LRP5: variants seen among roughly 807,000 people sequenced by gnomAD.
LRP5 encodes low-density lipoprotein receptor-related protein 5.
In LRP5, 62 loss-of-function variants were observed where a neutral mutation model predicts 154.1. The observed-to-expected ratio is 0.40, with a 90% CI of 0.33 to 0.50. LRP5 has a LOEUF of 0.50. LRP5 is among the 20% of genes least tolerant of loss of function. The pLI, the probability that LRP5 is intolerant of heterozygous loss-of-function variation, is 0.55. For missense variants in LRP5, 1,915 were observed against 2,336.7 expected (o/e 0.82, Z 3.72); for synonymous variants, 966 against 1,011.5 (o/e 0.96, Z 0.85).
Position 68,436,923 on chromosome 11 carries a change from CG to C in LRP5, c.4037del (p.Gly1346AlafsTer93). The C allele has an allele frequency of 6.2e-7, 1 of 1,613,840 alleles. No individual in the cohort carries two copies. Among genetic ancestry groups the C allele is most frequent in the Non-Finnish European group, 8.5e-7 (1 of 1,179,948 alleles). The stretch of plus-strand genomic sequence containing the variant: ...TGCCCAACCAGTTCCGGTGTGCGAG[CG>C]GCCAGTGTGTCCTCATCAAACAGCA... The part of the protein sequence containing the change: ...CLPNQFRCAS[G>X]QCVLIKQQCD... On this transcript the variant is annotated frameshift_variant, in exon 19 of 23. Coordinates refer to ENST00000294304, the MANE Select transcript of LRP5 (RefSeq NM_002335.4). LOFTEE classifies it high-confidence loss of function.
intron 2 of LRP5, among the ~76,000 whole-genome samples, chr11:68,348,943 TC>T (rs1467407228): frequency 6.7e-6 from 1 of 148,920 alleles, no homozygotes; most frequent in African/African-American, 2.5e-5. Context: ...GGAGATCCTG[TC>T]TCAAAAAAAA....
At chr11:68,330,274 G>A (rs2098602010) in intron 1 of LRP5, among the ~76,000 whole-genome samples, 1 of 148,012 alleles carries the variant, frequency 6.8e-6, no homozygotes, top group African/African-American at 2.5e-5. Flanking sequence ...CCACTGCAAT[G>A]AGATACAGAC....
In LRP5 at chr11:68,348,115, G is replaced by A. The variant is rs758180204; in HGVS notation, c.360G>A (p.Lys120=). ...PDGLACDWVG[K]KLYWTDSETN... Reference sequence around the variant, plus strand: ...GCCTCGCCTGCGACTGGGTGGGCAAGAAGCTGTACTGGACGGACTCAGAGA... The same window carrying A: ...GCCTCGCCTGCGACTGGGTGGGCAAAAAGCTGTACTGGACGGACTCAGAGA... Residue 120 remains lysine, a synonymous_variant, in exon 2 of 23, where the codon AAG becomes AAA. Transcript: ENST00000294304. 6.2e-6 allele frequency: 10 copies of A among 1,614,048 alleles called. No individual in the cohort carries two copies. Among genetic ancestry groups the A allele is most frequent in the Non-Finnish European group, 8.5e-7 (1 of 1,180,062 alleles).
At chr11:68,424,303 G>A (rs1415605677) in intron 14 of LRP5, among the ~76,000 whole-genome samples, 4 of 152,248 alleles carry the variant, frequency 2.6e-5, no homozygotes, top group Non-Finnish European at 5.9e-5. Flanking sequence ...GCTACAGCCA[G>A]CACAGGTCCT....
intron 5 of LRP5, among the ~76,000 whole-genome samples, chr11:68,375,435 G>A (rs533923365): frequency 3.9e-5 from 6 of 152,210 alleles, no homozygotes; most frequent in Non-Finnish European, 8.8e-5. Flanking sequence ...ATCTGAGTGT[G>A]GACCTCCCTG....
chr11:68,328,622 G>T (rs1234530687), intron 1 of LRP5, among the ~76,000 whole-genome samples: 2 of 152,234 alleles, frequency 1.3e-5, no homozygotes, highest in Non-Finnish European at 2.9e-5. Flanking sequence ...GGGTTTGGCA[G>T]CCTCCTTTCC....
At chr11:68,384,332 C>T (rs539618495) in intron 5 of LRP5, among the ~76,000 whole-genome samples, 1 of 152,120 alleles carries the variant, frequency 6.6e-6, no homozygotes, top group Non-Finnish European at 1.5e-5. Flanking sequence ...GGCTGCAGGG[C>T]CAGGTCTAGG....
chr11:68,448,809 G>A lies in LRP5; in HGVS notation c.4587G>A (p.Arg1529=), dbSNP rs724159826. The change falls in exon 23 of 23, where the codon AGG becomes AGA. Residue 1529 remains arginine, a splice_region_variant and synonymous_variant. Coordinates refer to ENST00000294304, the MANE Select transcript of LRP5 (RefSeq NM_002335.4). Reference sequence around the variant, plus strand: ...ACTCCTCTGTGTGTGTCCCTTTCAGGCCCTACATCATTCGAGGAATGGCGC... The same window carrying A: ...ACTCCTCTGTGTGTGTCCCTTTCAGACCCTACATCATTCGAGGAATGGCGC... The part of the protein sequence containing the change: ...SNIPATARPY[R]PYIIRGMAPP... The A allele has an allele frequency of 1.2e-6, 2 of 1,604,408 alleles. No homozygotes were observed. The highest frequency in any genetic ancestry group is 1.3e-5 in the African/African-American group (1 of 74,904).
At chr11:68,309,169 G>A (rs1240014696), upstream of LRP5, among the ~76,000 whole-genome samples, 4 of 151,604 alleles carry the variant, frequency 2.6e-5, no homozygotes, top group Non-Finnish European at 4.4e-5. Flanking sequence ...TCCTGACCTC[G>A]TGATCCACCC....
intron 5 of LRP5, among the ~76,000 whole-genome samples, chr11:68,373,138 GTCCCTGGGACTCCC>G (rs1027165012): frequency 2.6e-5 from 4 of 152,298 alleles, no homozygotes; most frequent in African/African-American, 9.6e-5. Flanking sequence ...AGACTCAAGG[GTCCCTGGGACTCCC>G]TCCTGGGTGT....
In LRP5 at chr11:68,413,382, G is replaced by T. The variant is rs534371630; in HGVS notation, c.2504-307G>T. Among the ~76,000 whole-genome samples, 14 of 152,324 alleles carry T rather than the reference G, an allele frequency of 9.2e-5. No homozygotes were observed. In the South Asian group the frequency reaches 1.9e-3, roughly 20 times the overall value. On this transcript the variant is annotated intron_variant, in intron 11 of 22. Coordinates refer to ENST00000294304, the MANE Select transcript of LRP5 (RefSeq NM_002335.4). The surrounding 1 kb of genome is among the most constrained non-coding windows in gnomAD (Gnocchi z 5.1). ...ACATGGAAGGCCTGGTCTCATTGCT[G>T]TGGGAGTGAAGGATGCACAGCCAGG...
In LRP5 at chr11:68,403,466, T is replaced by C; in HGVS notation, c.1585-17T>C. On this transcript the variant is annotated splice_polypyrimidine_tract_variant and intron_variant, in intron 7 of 22. Transcript: ENST00000294304. ...TGGCCCTGGCCCATCCAGACCTATA[T>C]TTCTGCCGTCCTGCAGGTGATCAAT... is the stretch of plus-strand genomic sequence containing the variant. 1 of 1,612,286 alleles carries C rather than the reference T, an allele frequency of 6.2e-7. No homozygotes were observed. The highest frequency in any genetic ancestry group is 8.5e-7 in the Non-Finnish European group (1 of 1,178,532).
intron 13 of LRP5, among the ~76,000 whole-genome samples, chr11:68,421,315 G>A (rs1201791327): frequency 2.0e-5 from 3 of 152,182 alleles, no homozygotes; most frequent in African/African-American, 7.2e-5. Context: ...AAAGTTTGCT[G>A]TGTTGTTTTT....
chr11:68,442,485 G>T (rs1216834883), intron 21 of LRP5, among the ~76,000 whole-genome samples: 1 of 151,950 alleles, frequency 6.6e-6, no homozygotes, highest in African/African-American at 2.4e-5. Flanking sequence ...TAAATTTCCT[G>T]GGCTAGTCTT....
chr11:68,336,699 C>T (rs534826989), intron 1 of LRP5, among the ~76,000 whole-genome samples: 1 of 152,332 alleles, frequency 6.6e-6, no homozygotes, highest in East Asian at 1.9e-4. Context: ...GAACCCCTGA[C>T]CTCAGGTGAT....
rs746304511 is a variant in LRP5, at chr11:68,386,539, C to G, written c.1239C>G (p.Thr413=). The part of the protein sequence containing the change: ...DGSGAQTLVN[T]EINDPDGIAV... ...CTGGGGCGCAGACGCTGGTCAACACCGAGATCAACGACCCCGATGGCATCG... is the reference window on the plus strand; with the variant it reads ...CTGGGGCGCAGACGCTGGTCAACACGGAGATCAACGACCCCGATGGCATCG... The change falls in exon 6 of 23, where the codon ACC becomes ACG. Residue 413 remains threonine (T), a synonymous_variant. Transcript: ENST00000294304. The surrounding 1 kb of genome is among the most constrained non-coding windows in gnomAD (Gnocchi z 7.9). 6.2e-7 allele frequency: 1 copy of G among 1,613,960 alleles called. No individual in the cohort carries two copies. Among genetic ancestry groups the G allele is most frequent in the Non-Finnish European group, 8.5e-7 (1 of 1,180,004 alleles).
chr11:68,438,783 A>T (rs889069995), intron 20 of LRP5, 101 bp downstream of exon 20: 1 of 995,276 alleles, frequency 1.0e-6, no homozygotes, highest in African/African-American at 1.6e-5. Flanking sequence ...GCCCTCTTGC[A>T]CATGTGGCAG....
chr11:68,405,353 C>G (rs1325944789), intron 8 of LRP5, among the ~76,000 whole-genome samples: 1 of 151,506 alleles, frequency 6.6e-6, no homozygotes, highest in Non-Finnish European at 1.5e-5. Context: ...TCCCTGTGGT[C>G]CCAGCTACTT....
At position 68,433,644 on chromosome 11, in the gene LRP5, G is replaced by A. The variant is rs915385274; in HGVS notation, c.3806G>A (p.Gly1269Glu). 2 of 1,613,522 alleles carry A rather than the reference G, an allele frequency of 1.2e-6. No individual in the cohort carries two copies. The highest frequency in any genetic ancestry group is 2.7e-5 in the African/African-American group (2 of 75,074). ...CSPDQFACATGEIDCIPGAWR... is the reference protein window; with the variant it reads ...CSPDQFACATEEIDCIPGAWR... ...CCGGACCAGTTTGCATGTGCCACAGGGGAGATCGACTGTATCCCCGGGGCC... is the reference window on the plus strand; with the variant it reads ...CCGGACCAGTTTGCATGTGCCACAGAGGAGATCGACTGTATCCCCGGGGCC... Residue 1269 changes from glycine to glutamate, a missense_variant, in exon 18 of 23, where the codon GGG (glycine) becomes GAG (glutamate). Physicochemically the swap from Gly to Glu is moderately conservative, Grantham distance 98. This residue lies in a region of LRP5 where 1,094 missense variants were observed against 1,210.1 expected (regional missense o/e 0.90). Coordinates refer to ENST00000294304, the MANE Select transcript of LRP5 (RefSeq NM_002335.4).
Sources: allele counts gnomAD v4.1 joint callset (sites outside exome capture counted in the v4.1 genomes callset), GRCh38; gene constraint gnomAD v4.1.1; regional missense constraint gnomAD v4.1.1; non-coding constraint Gnocchi (gnomAD v3.1); transcripts MANE v1.5; gene names NCBI Gene and HGNC (gene_info 2026-07-23, HGNC 2026-07-21).